The following KRTAP10-6 variants were observed in gnomAD, a reference collection of about 807,000 sequenced individuals.
KRTAP10-6 encodes keratin associated protein 10-6.
In KRTAP10-6, 1 loss-of-function variant was observed where a neutral mutation model predicts 0.5. The observed-to-expected ratio is 1.92, with a 90% CI of 0.68 to 9.09. KRTAP10-6 has a LOEUF of 9.09. Ranked by LOEUF, KRTAP10-6 falls within the 30% of genes most tolerant of loss-of-function variation. The probability of loss-of-function intolerance (pLI) is 0.13; values close to 1 mark genes in which losing one functional copy is unlikely to be tolerated. For synonymous variants in KRTAP10-6, 136 were observed against 196.5 expected (o/e 0.69, Z 2.58); for missense variants, 337 against 464.2 (o/e 0.73, Z 2.52).
At position 44,591,600 on chromosome 21, in the gene KRTAP10-6, G is replaced by T; in HGVS notation, c.885C>A (p.Ala295=). 1.2e-6 allele frequency: 2 copies of T among 1,613,682 alleles called. No homozygotes were observed. Among genetic ancestry groups the T allele is most frequent in the Non-Finnish European group, 1.7e-6 (2 of 1,179,816 alleles). The change falls in exon 1 of 1, where the codon GCC becomes GCA. Residue 295 remains alanine (A), a synonymous_variant. Transcript: ENST00000400368. ...QSSCQPACCT[A]SCCRSSSSVS... The stretch of plus-strand genomic sequence containing the variant: ...CGGAGGAGGAGGATCTGCAGCAGGA[G>T]GCGGTGCAGCAAGCCGGCTGGCAGC...
the KRTAP10-6 span, chr21:44,591,843 G>T: frequency 6.2e-7 from 1 of 1,608,508 alleles, no homozygotes; most frequent in Middle Eastern, 1.7e-4. Flanking sequence ...AAGTTGGCTG[G>T]CAGCTAGACT....
At position 44,592,419 on chromosome 21, in the gene KRTAP10-6, A is replaced by T. The variant is rs369235293; in HGVS notation, c.66T>A (p.Pro22=). 6.2e-7 allele frequency: 1 copy of T among 1,608,160 alleles called. No homozygotes were observed. The highest frequency in any genetic ancestry group is 1.3e-5 in the African/African-American group (1 of 74,258). Reference sequence around the variant, plus strand: ...AGTCGGAGCAAGAGTCACAGGAACCAGGAAGGCAGACGCGGCTGCCGTAGC... The same window carrying T: ...AGTCGGAGCAAGAGTCACAGGAACCTGGAAGGCAGACGCGGCTGCCGTAGC... ...DLSYGSRVCL[P]GSCDSCSDSW... Residue 22 remains proline (P), a synonymous_variant, in exon 1 of 1, where the codon CCT becomes CCA. Transcript: ENST00000400368.
rs1979935618 is a variant in KRTAP10-6 at position 44,591,998 on chromosome 21, G to GCTTGGAGCAGACAGT, written c.486_487insACTGTCTGCTCCAAG (p.Lys162_Pro163insThrValCysSerLys). The GCTTGGAGCAGACAGT allele has an allele frequency of 6.2e-7, 1 of 1,601,180 alleles. No individual in the cohort carries two copies. Among genetic ancestry groups the GCTTGGAGCAGACAGT allele is most frequent in the African/African-American group, 1.4e-5 (1 of 70,694 alleles). ...GAAGAGGAAATCCCAGAGCAGACAG[G>GCTTGGAGCAGACAGT]CTTGCAGCAGACGGGCACACAGCAG... On this transcript the variant is annotated inframe_insertion, in exon 1 of 1. Transcript: ENST00000400368.
chr21:44,591,488 T>G lies in KRTAP10-6; in HGVS notation c.997A>C (p.Ser333Arg). Residue 333 changes from serine (S) to arginine (R), a missense_variant, in exon 1 of 1, where the codon AGC becomes CGC. By Grantham distance (110) the Ser-to-Arg change is moderately radical. Transcript: ENST00000400368. ...CGASASSCQP[S>R]CCRTASCVSL... ...ACACAGGAGGCCGTGCGGCAGCAGC[T>G]GGGCTGGCAGGAGGAGGCAGAGGCA... is the stretch of plus-strand genomic sequence containing the variant. The G allele has an allele frequency of 6.2e-7, 1 of 1,613,880 alleles. No homozygotes were observed.
rs201732843 is a variant in KRTAP10-6, at chr21:44,592,300, C to A, written c.185G>T (p.Arg62Leu). 6.5e-7 allele frequency: 1 copy of A among 1,538,752 alleles called. No homozygotes were observed. The highest frequency in any genetic ancestry group is 8.7e-7 in the Non-Finnish European group (1 of 1,144,060). ...CLSLVCTPVS[R>L]VSSPCCPVTC... ...CACTGGGCAGCAGGGGCTGGACACA[C>A]GGCTCACTGGGGTGCAGACCAGGCT... The change falls in exon 1 of 1, where the codon CGT becomes CTT. Residue 62 changes from arginine to leucine, a missense_variant. Arg to Leu is a moderately radical substitution (Grantham distance 102). Coordinates refer to ENST00000400368, the MANE Select transcript of KRTAP10-6 (RefSeq NM_198688.3).
rs1979834791 is a variant in KRTAP10-6, at chr21:44,591,511, G to A, written c.974C>T (p.Ala325Val). 1 of 1,614,066 alleles carries A rather than the reference G, an allele frequency of 6.2e-7. No homozygotes were observed. The highest frequency in any genetic ancestry group is 8.5e-7 in the Non-Finnish European group (1 of 1,179,994). ...TCCVPVPSCGASASSCQPSCC... is the reference protein window; with the variant it reads ...TCCVPVPSCGVSASSCQPSCC... ...GCTGGGCTGGCAGGAGGAGGCAGAG[G>A]CACCACAGGAGGGGACGGGCACGCA... Residue 325 changes from alanine to valine, a missense_variant, in exon 1 of 1, where the codon GCC becomes GTC. Physicochemically the swap from Ala to Val is moderately conservative, Grantham distance 64. Coordinates refer to ENST00000400368, the MANE Select transcript of KRTAP10-6 (RefSeq NM_198688.3).
Position 44,591,678 on chromosome 21 carries a change from G to T in KRTAP10-6, c.807C>A (p.Ala269=), listed in dbSNP as rs782691146. 6.3e-7 allele frequency: 1 copy of T among 1,579,616 alleles called. No individual in the cohort carries two copies. The highest frequency in any genetic ancestry group is 8.7e-7 in the Non-Finnish European group (1 of 1,155,780). The part of the protein sequence containing the change: ...ACCTSSPCQH[A]CCVPVCSGAS... ...CCCCAGAGCAGACGGGCACACAGCAGGCGTGCTGGCAGGGGGAGGAGGTGC... is the reference window on the plus strand; with the variant it reads ...CCCCAGAGCAGACGGGCACACAGCATGCGTGCTGGCAGGGGGAGGAGGTGC... The change falls in exon 1 of 1, where the codon GCC becomes GCA. Residue 269 remains alanine, a synonymous_variant. Transcript: ENST00000400368.
rs781995015 is a variant in KRTAP10-6, at chr21:44,591,736, C to T, written c.749G>A (p.Cys250Tyr). Residue 250 changes from cysteine (C) to tyrosine (Y), a missense_variant, in exon 1 of 1, where the codon TGC becomes TAC. Around this residue, in one of 3 missense-constraint regions of KRTAP10-6, gnomAD observed 218 missense variants for 225.3 expected, o/e 0.97. Coordinates refer to ENST00000400368, the MANE Select transcript of KRTAP10-6 (RefSeq NM_198688.3). ...TGGCTGGCAGCTAGACTGCTGGCAG[C>T]ATGAAGAGGAATCCTCAGAGCAGGT... ...VPTCSEDSSS[C>Y]CQQSSCQPAC... 5.0e-6 allele frequency: 8 copies of T among 1,595,994 alleles called. No homozygotes were observed. Among genetic ancestry groups the T allele is most frequent in the Admixed American group, 3.4e-5 (2 of 58,666 alleles).
In KRTAP10-6 at chr21:44,592,323, G is replaced by C. The variant is rs1980003892; in HGVS notation, c.162C>G (p.Ser54Arg). Residue 54 changes from serine (S) to arginine (R), a missense_variant, in exon 1 of 1, where the codon AGC becomes AGG. This residue lies in a region of KRTAP10-6 where 87 missense variants were observed against 208.2 expected (regional missense o/e 0.42). Transcript: ENST00000400368. ...CACGGCTCACTGGGGTGCAGACCAGGCTCAGGCAGGGGGCCGGGGCGCAGC... is the reference window on the plus strand; with the variant it reads ...CACGGCTCACTGGGGTGCAGACCAGCCTCAGGCAGGGGGCCGGGGCGCAGC... ...PPCCAPAPCL[S>R]LVCTPVSRVS... The C allele has an allele frequency of 4.9e-6, 7 of 1,414,378 alleles. No homozygotes were observed. Among genetic ancestry groups the C allele is most frequent in the Non-Finnish European group, 6.6e-6 (7 of 1,056,348 alleles). The allele number at this position is 1,414,378 out of a possible 1,614,324, so 87.6% of individuals were successfully genotyped here. A position where few individuals can be genotyped will look rare whatever the true frequency, so the allele number is the denominator to read the frequency against.
chr21:44,591,523 G>A lies in KRTAP10-6; in HGVS notation c.962C>T (p.Pro321Leu), dbSNP rs1167082985. 17 of 1,613,904 alleles carry A rather than the reference G, an allele frequency of 1.1e-5. No individual in the cohort carries two copies. Among genetic ancestry groups the A allele is most frequent in the African/African-American group, 2.7e-5 (2 of 74,842 alleles). ...GGAGGAGGCAGAGGCACCACAGGAG[G>A]GGACGGGCACGCAGCAGGTGGACTT... ...VCKSTCCVPV[P>L]SCGASASSCQ... Residue 321 changes from proline to leucine, a missense_variant, in exon 1 of 1, where the codon CCC becomes CTC. Around this residue, in one of 3 missense-constraint regions of KRTAP10-6, gnomAD observed 218 missense variants for 225.3 expected, o/e 0.97. Transcript: ENST00000400368.
At position 44,591,733 on chromosome 21, in the gene KRTAP10-6, C is replaced by T. The variant is rs1979873256; in HGVS notation, c.752G>A (p.Cys251Tyr). Residue 251 changes from cysteine (C) to tyrosine (Y), a missense_variant, in exon 1 of 1, where the codon TGC (cysteine) becomes TAC (tyrosine). Cys to Tyr is a radical substitution (Grantham distance 194). Transcript: ENST00000400368. ...AGCTGGCTGGCAGCTAGACTGCTGG[C>T]AGCATGAAGAGGAATCCTCAGAGCA... is the stretch of plus-strand genomic sequence containing the variant. ...PTCSEDSSSC[C>Y]QQSSCQPACC... The T allele has an allele frequency of 4.4e-6, 7 of 1,596,082 alleles. No homozygotes were observed. Among genetic ancestry groups the T allele is most frequent in the African/African-American group, 1.4e-5 (1 of 73,852 alleles).
At position 44,591,374 on chromosome 21, in the gene KRTAP10-6, A is replaced by G. The variant is rs1979812247; in HGVS notation, c.*13T>C. The G allele has an allele frequency of 3.8e-6, 6 of 1,588,478 alleles. No individual in the cohort carries two copies. In the East Asian group the frequency reaches 1.3e-4, roughly 36 times the overall value. Reference sequence around the variant, plus strand: ...CCCTGGTGGGAAGGGACTCCGGATCACATCCAGGGCTGTCAGCAGCTGGAC... The same window carrying G: ...CCCTGGTGGGAAGGGACTCCGGATCGCATCCAGGGCTGTCAGCAGCTGGAC... On this transcript the variant is annotated 3_prime_UTR_variant, in exon 1 of 1. Coordinates refer to ENST00000400368, the MANE Select transcript of KRTAP10-6 (RefSeq NM_198688.3).
In KRTAP10-6 at chr21:44,591,872, T is replaced by G. The variant is rs1223446431; in HGVS notation, c.613A>C (p.Thr205Pro). ...CTAGACTGCTGGCAGCATGAGGGTG[T>G]GCAGGAGCTGGTGCAGCCTGATTGG... ...PCQSGCTSSCTPSCCQQSSCQ... is the reference protein window; with the variant it reads ...PCQSGCTSSCPPSCCQQSSCQ... Residue 205 changes from threonine to proline, a missense_variant, in exon 1 of 1, where the codon ACA (threonine) becomes CCA (proline). Around this residue, in one of 3 missense-constraint regions of KRTAP10-6, gnomAD observed 218 missense variants for 225.3 expected, o/e 0.97. Coordinates refer to ENST00000400368, the MANE Select transcript of KRTAP10-6 (RefSeq NM_198688.3). 1 of 1,585,294 alleles carries G rather than the reference T, an allele frequency of 6.3e-7. No individual in the cohort carries two copies. The highest frequency in any genetic ancestry group is 1.7e-5 in the African/African-American group (1 of 60,102).
In KRTAP10-6 at chr21:44,591,503, A is replaced by G. The variant is rs781885878; in HGVS notation, c.982T>C (p.Ser328Pro). 2 of 1,613,810 alleles carry G rather than the reference A, an allele frequency of 1.2e-6. No homozygotes were observed. Among genetic ancestry groups the G allele is most frequent in the Admixed American group, 3.3e-5 (2 of 60,002 alleles). The change falls in exon 1 of 1, where the codon TCC becomes CCC. Residue 328 changes from serine to proline, a missense_variant. Physicochemically the swap from Ser to Pro is moderately conservative, Grantham distance 74. Transcript: ENST00000400368. ...VPVPSCGASASSCQPSCCRTA... is the reference protein window; with the variant it reads ...VPVPSCGASAPSCQPSCCRTA... ...CGGCAGCAGCTGGGCTGGCAGGAGG[A>G]GGCAGAGGCACCACAGGAGGGGACG...
In KRTAP10-6 at chr21:44,592,496, A is replaced by G. The variant is rs1228812924; in HGVS notation, c.-12T>C. 8 of 1,601,048 alleles carry G rather than the reference A, an allele frequency of 5.0e-6. No homozygotes were observed. The highest frequency in any genetic ancestry group is 4.5e-5 in the East Asian group (2 of 44,780). On this transcript the variant is annotated 5_prime_UTR_variant, in exon 1 of 1. Coordinates refer to ENST00000400368, the MANE Select transcript of KRTAP10-6 (RefSeq NM_198688.3). Reference sequence around the variant, plus strand: ...GTGGACGCGGCCATGCTGGGGTTGAACTGGTGGAGGGTGAGGGAGTGAGCC... The same window carrying G: ...GTGGACGCGGCCATGCTGGGGTTGAGCTGGTGGAGGGTGAGGGAGTGAGCC...
At position 44,591,433 on chromosome 21, in the gene KRTAP10-6, C is replaced by A. The variant is rs371882347; in HGVS notation, c.1052G>T (p.Arg351Leu). Residue 351 changes from arginine to leucine, a missense_variant, in exon 1 of 1, where the codon CGC (arginine) becomes CTC (leucine). This residue lies in a region of KRTAP10-6 where 218 missense variants were observed against 225.3 expected (regional missense o/e 0.97). Transcript: ENST00000400368. ...AGAGCAGAGGCTGTAGCAGGCAGGG[C>A]GGGAGCACATGGGGCGGCAGAGGAG... ...VSLLCRPMCS[R>L]PACYSLCSGQ... 11 of 1,613,294 alleles carry A rather than the reference C, an allele frequency of 6.8e-6. No homozygotes were observed. The highest frequency in any genetic ancestry group is 9.3e-6 in the Non-Finnish European group (11 of 1,179,758).
Position 44,591,816 on chromosome 21 carries a change from G to A in KRTAP10-6, c.669C>T (p.Pro223=), listed in dbSNP as rs201045678. 1.2e-4 allele frequency: 195 copies of A among 1,598,654 alleles called. 1 individual carries two copies. Among genetic ancestry groups the A allele is most frequent in the South Asian group, 1.9e-4 (17 of 89,620 alleles). ...CGGGCACGCAGCAGGCCTGCTGGCAGGGGGAGGAGGTGCAGCAAGTTGGCT... is the reference window on the plus strand; with the variant it reads ...CGGGCACGCAGCAGGCCTGCTGGCAAGGGGAGGAGGTGCAGCAAGTTGGCT... ...SCQPTCCTSS[P]CQQACCVPVC... is the part of the protein sequence containing the mutation. The change falls in exon 1 of 1, where the codon CCC becomes CCT. Residue 223 remains proline (P), a synonymous_variant. Transcript: ENST00000400368.
chr21:44,591,844 C>T lies in KRTAP10-6; in HGVS notation c.641G>A (p.Cys214Tyr). 6.2e-7 allele frequency: 1 copy of T among 1,607,794 alleles called. No individual in the cohort carries two copies. The highest frequency in any genetic ancestry group is 8.5e-7 in the Non-Finnish European group (1 of 1,178,870). The part of the protein sequence containing the change: ...CTPSCCQQSS[C>Y]QPTCCTSSPC... Reference sequence around the variant, plus strand: ...GGAGGAGGTGCAGCAAGTTGGCTGGCAGCTAGACTGCTGGCAGCATGAGGG... The same window carrying T: ...GGAGGAGGTGCAGCAAGTTGGCTGGTAGCTAGACTGCTGGCAGCATGAGGG... Residue 214 changes from cysteine to tyrosine, a missense_variant, in exon 1 of 1, where the codon TGC (cysteine) becomes TAC (tyrosine). Physicochemically the swap from Cys to Tyr is radical, Grantham distance 194. This residue lies in a region of KRTAP10-6 where 218 missense variants were observed against 225.3 expected (regional missense o/e 0.97). Transcript: ENST00000400368.
In KRTAP10-6 at chr21:44,592,457, A is replaced by G; in HGVS notation, c.28T>C (p.Ser10Pro). The G allele has an allele frequency of 6.2e-7, 1 of 1,611,646 alleles. No individual in the cohort carries two copies. The highest frequency in any genetic ancestry group is 8.5e-7 in the Non-Finnish European group (1 of 1,178,568). Residue 10 changes from serine to proline, a missense_variant, in exon 1 of 1, where the codon TCC becomes CCC. Coordinates refer to ENST00000400368, the MANE Select transcript of KRTAP10-6 (RefSeq NM_198688.3). The part of the protein sequence containing the change: MAASTMSVC[S>P]SDLSYGSRVC... ...CGGCTGCCGTAGCTCAGGTCGCTGGAGCAGACGGACATGGTGGACGCGGCC... is the reference window on the plus strand; with the variant it reads ...CGGCTGCCGTAGCTCAGGTCGCTGGGGCAGACGGACATGGTGGACGCGGCC...
Sources: allele counts gnomAD v4.1 joint callset, GRCh38; gene constraint gnomAD v4.1.1; regional missense constraint gnomAD v4.1.1; transcripts MANE v1.5; gene names NCBI Gene and HGNC (gene_info 2026-07-23, HGNC 2026-07-21).